The following MBNL3 variants were observed in gnomAD, a reference collection of about 807,000 sequenced individuals.
MBNL3 encodes muscleblind-like protein 3.
MBNL3 carries 6 observed loss-of-function variants against 24.5 expected under a neutral mutation model. The observed-to-expected ratio is 0.25, with a 90% CI of 0.13 to 0.48. The LOEUF (loss-of-function observed/expected upper bound fraction) is 0.48, where lower values mean the gene tolerates loss of function less well. Ranked by LOEUF, MBNL3 falls within the 20% of genes least tolerant of loss-of-function variation. MBNL3 has a pLI of 0.99. For missense variants in MBNL3, 230 were observed against 293.5 expected (o/e 0.78, Z 1.58); for synonymous variants, 100 against 101.7 (o/e 0.98, Z 0.10).
At chrX:132,479,953 G>T (rs900698757) in intron 1 of MBNL3, among the ~76,000 whole-genome samples, 3 of 111,712 alleles carry the variant, frequency 2.7e-5, no homozygotes, top group Non-Finnish European at 3.8e-5. Context: ...ACTCAGAACA[G>T]ATGTTTGTCT....
At chrX:132,395,493 C>T (rs760989282) in intron 3 of MBNL3, among the ~76,000 whole-genome samples, 8 of 111,797 alleles carry the variant, frequency 7.2e-5, no homozygotes, top group Non-Finnish European at 1.3e-4. Flanking sequence ...AAAGAGACGG[C>T]TGTCCCTCCC....
At chrX:132,473,764 T>A (rs1007058894) in intron 1 of MBNL3, among the ~76,000 whole-genome samples, 1 of 111,955 alleles carries the variant, frequency 8.9e-6, no homozygotes, top group Non-Finnish European at 1.9e-5. Context: ...ATCTTTTTTA[T>A]CCTAGACCAT....
In MBNL3 at chrX:132,400,580, A is replaced by G. The variant is rs184469044; in HGVS notation, c.342+5648T>C. Reference sequence around the variant, plus strand: ...ACGAATATATTTTGCAAATTTTACAAACACATTTTAAACACGTTGCTAGGA... The same window carrying G: ...ACGAATATATTTTGCAAATTTTACAGACACATTTTAAACACGTTGCTAGGA... On this transcript the variant is annotated intron_variant, in intron 3 of 8. Coordinates refer to ENST00000370853, the MANE Select transcript of MBNL3 (RefSeq NM_001386889.1). Among the ~76,000 whole-genome samples, 14 of 111,720 alleles carry G rather than the reference A, an allele frequency of 1.3e-4. 1 individual carries two copies. The highest frequency in any genetic ancestry group is 4.6e-4 in the African/African-American group (14 of 30,758).
At chrX:132,483,642 CTT>C (rs962000619) in intron 1 of MBNL3, among the ~76,000 whole-genome samples, 7 of 112,073 alleles carry the variant, frequency 6.2e-5, no homozygotes, top group Admixed American at 1.9e-4. Context: ...AACATAACCT[CTT>C]GTTTGGTTAC....
chrX:132,411,285 T>C, intron 2 of MBNL3: 1 of 754,093 alleles, frequency 1.3e-6, no homozygotes, highest in Non-Finnish European at 1.6e-6. Flanking sequence ...CAAGTTTGAA[T>C]AGGCGAGAAG....
intron 3 of MBNL3, among the ~76,000 whole-genome samples, chrX:132,395,134 T>C (rs1394185193): frequency 9.0e-6 from 1 of 111,417 alleles, no homozygotes; most frequent in African/African-American, 3.3e-5. Flanking sequence ...TTATTTTCAG[T>C]TGGACATTTC....
At chrX:132,488,192 T>A (rs1388069217) in intron 1 of MBNL3, among the ~76,000 whole-genome samples, 1 of 110,673 alleles carries the variant, frequency 9.0e-6, no homozygotes. Flanking sequence ...TTATCTGTTT[T>A]ATCTATCATC....
At chrX:132,404,470 G>A (rs182796665) in intron 3 of MBNL3, among the ~76,000 whole-genome samples, 2 of 112,383 alleles carry the variant, frequency 1.8e-5, no homozygotes, top group African/African-American at 3.2e-5. Context: ...GTTCAACGAT[G>A]TAAAGAATTA....
intron 2 of MBNL3, among the ~76,000 whole-genome samples, chrX:132,434,607 G>A (rs1438547582): frequency 1.8e-5 from 2 of 112,050 alleles, no homozygotes; most frequent in Non-Finnish European, 3.8e-5. Context: ...ATTTCTGCGT[G>A]TGGGTTTCTT....
intron 5 of MBNL3, among the ~76,000 whole-genome samples, chrX:132,387,299 A>T (rs756932179): frequency 1.9e-5 from 2 of 104,055 alleles, no homozygotes; most frequent in South Asian, 9.1e-4. Context: ...AAAAAGAGGT[A>T]GTCCAACTAC....
intron 2 of MBNL3, chrX:132,411,526 G>T: frequency 1.8e-6 from 1 of 549,305 alleles, no homozygotes; most frequent in Non-Finnish European, 2.2e-6. Flanking sequence ...AAAGGGGTGG[G>T]GTGACTTGTC....
At chrX:132,442,355 G>C (rs371298457) in intron 1 of MBNL3, among the ~76,000 whole-genome samples, 2 of 112,096 alleles carry the variant, frequency 1.8e-5, no homozygotes, top group East Asian at 5.6e-4. Flanking sequence ...GCTATCCCAA[G>C]CTTTCTGAGT....
chrX:132,484,076 G>T (rs183591783), intron 1 of MBNL3, among the ~76,000 whole-genome samples: 4 of 111,298 alleles, frequency 3.6e-5, no homozygotes, highest in East Asian at 2.8e-4. Context: ...CCTGGGATGT[G>T]GGGGAGGTAT....
chrX:132,470,568 G>A lies in MBNL3; in HGVS notation c.-704+18283C>T, dbSNP rs1216095362. On this transcript the variant is annotated intron_variant, in intron 1 of 8. Coordinates refer to ENST00000370853, the MANE Select transcript of MBNL3 (RefSeq NM_001386889.1). ...TGAGACATTCCTAGAAAAATATCAGGAACTAGCTCTGCTAAATAATAGTAA... is the reference window on the plus strand; with the variant it reads ...TGAGACATTCCTAGAAAAATATCAGAAACTAGCTCTGCTAAATAATAGTAA... 3.6e-5 allele frequency among the ~76,000 whole-genome samples: 4 copies of A among 111,289 alleles called. No individual in the cohort carries two copies. The Admixed American group carries it at 3.8e-4, about 11-fold the overall frequency.
intron 2 of MBNL3, among the ~76,000 whole-genome samples, chrX:132,420,688 T>C (rs1006741382): frequency 9.0e-5 from 10 of 111,211 alleles, no homozygotes; most frequent in Admixed American, 5.7e-4. Context: ...GCGGTCACTT[T>C]CCCAGCTAGG....
At chrX:132,409,707 C>T (rs754302273) in intron 2 of MBNL3, among the ~76,000 whole-genome samples, 28 of 111,124 alleles carry the variant, frequency 2.5e-4, no homozygotes, top group Non-Finnish European at 4.0e-4. Context: ...GAGCAGGCTA[C>T]GTACTAAAAT....
intron 1 of MBNL3, among the ~76,000 whole-genome samples, chrX:132,487,290 T>C (rs1241901016): frequency 9.0e-6 from 1 of 111,634 alleles, no homozygotes; most frequent in East Asian, 2.8e-4. Flanking sequence ...TTTCTCATCC[T>C]CCCTTTACCA....
rs1023133219 is a variant in MBNL3, at chrX:132,376,385, C to T, written c.*3281G>A. The T allele has an allele frequency of 2.7e-5, 3 of 111,495 alleles. No individual in the cohort carries two copies. The highest frequency in any genetic ancestry group is 7.4e-4 in the South Asian group (2 of 2,714). 9.2% of individuals were successfully genotyped at this position (111,495 alleles called of 1,213,427 possible). On this transcript the variant is annotated 3_prime_UTR_variant, in exon 9 of 9. Transcript: ENST00000370853. ...AATCTTAATCCCTCTTTAAAATATACGTATGTTATGGTCACATAGTACTTT... is the reference window on the plus strand; with the variant it reads ...AATCTTAATCCCTCTTTAAAATATATGTATGTTATGGTCACATAGTACTTT...
intron 1 of MBNL3, among the ~76,000 whole-genome samples, chrX:132,466,501 T>C (rs1946891416): frequency 8.9e-6 from 1 of 112,417 alleles, no homozygotes; most frequent in Admixed American, 9.5e-5. Flanking sequence ...TTGCTTTGTG[T>C]AAGGTATTGA....
Sources: allele counts gnomAD v4.1 joint callset (sites outside exome capture counted in the v4.1 genomes callset), GRCh38; gene constraint gnomAD v4.1.1; transcripts MANE v1.5; gene names NCBI Gene and HGNC (gene_info 2026-07-23, HGNC 2026-07-21).